BLTP1: variants seen among roughly 807,000 people sequenced by gnomAD.
The protein encoded by BLTP1 is fragile site-associated protein.
chr4:122,328,353 C>A, the BLTP1 span: 1 of 1,606,040 alleles, frequency 6.2e-7, no homozygotes, highest in South Asian at 1.1e-5. Context: ...TTACAGGAAA[C>A]CCTCGTGAGT....
the BLTP1 span, chr4:122,344,846 TAC>T: frequency 1.0e-6 from 1 of 984,900 alleles, no homozygotes; most frequent in Non-Finnish European, 1.2e-6. Context: ...CATGAATTGG[TAC>T]AGTTTCTTTT....
chr4:122,311,710 TA>T, the BLTP1 span, among the ~76,000 whole-genome samples: 1 of 152,144 alleles, frequency 6.6e-6, no homozygotes, highest in Non-Finnish European at 1.5e-5. Context: ...TTTAAGTAGA[TA>T]GTAAATATTA....
chr4:122,167,963 G>A, the BLTP1 span: 12 of 871,262 alleles, frequency 1.4e-5, no homozygotes, highest in East Asian at 1.3e-3. Flanking sequence ...TAAGGAATTG[G>A]TGATATACTA....
the BLTP1 span, chr4:122,302,286 A>AT: frequency 9.2e-5 from 90 of 976,438 alleles, no homozygotes; most frequent in Non-Finnish European, 1.1e-4. Context: ...CATTAGACAT[A>AT]TCCTATACAG....
chr4:122,207,194 A>T, the BLTP1 span: 1 of 1,612,190 alleles, frequency 6.2e-7, no homozygotes, highest in Non-Finnish European at 8.5e-7. Flanking sequence ...ATCATGTTTC[A>T]TCAGTTTGAA....
At chr4:122,296,334 A>G in the BLTP1 span, among the ~76,000 whole-genome samples, 4 of 152,246 alleles carry the variant, frequency 2.6e-5, no homozygotes, top group Non-Finnish European at 5.9e-5. Flanking sequence ...CAAAGAGAAT[A>G]AAATACCTAG....
At chr4:122,197,997 A>G in the BLTP1 span, 2 of 984,886 alleles carry the variant, frequency 2.0e-6, no homozygotes, top group Non-Finnish European at 2.4e-6. Context: ...ATTTAAAATC[A>G]ATCATCATTA....
chr4:122,269,734 C>G, the BLTP1 span: 1 of 961,266 alleles, frequency 1.0e-6, no homozygotes, highest in Non-Finnish European at 1.2e-6. Flanking sequence ...CTTTGTAAAG[C>G]CAGGGCAGTT....
chr4:122,186,590 T>C, the BLTP1 span, among the ~76,000 whole-genome samples: 1 of 152,086 alleles, frequency 6.6e-6, no homozygotes, highest in Non-Finnish European at 1.5e-5. Flanking sequence ...GTTTAGAATA[T>C]GTGCCTCATA....
At chr4:122,211,471 A>G in the BLTP1 span, among the ~76,000 whole-genome samples, 1 of 152,192 alleles carries the variant, frequency 6.6e-6, no homozygotes. Context: ...TCTGAGAATA[A>G]TTGGTAATGG....
chr4:122,292,394 A>G, the BLTP1 span: 1 of 831,816 alleles, frequency 1.2e-6, no homozygotes, highest in South Asian at 5.6e-5. Flanking sequence ...AGCTCTAGAC[A>G]TTTAGAGTAT....
chr4:122,157,746 A>T, the BLTP1 span, among the ~76,000 whole-genome samples: 7 of 152,182 alleles, frequency 4.6e-5, no homozygotes. Flanking sequence ...TAGCTGCTGG[A>T]TGGAGACCAA....
chr4:122,259,935 A>G, the BLTP1 span: 1 of 905,430 alleles, frequency 1.1e-6, no homozygotes, highest in Non-Finnish European at 1.3e-6. Flanking sequence ...TAAAATGATA[A>G]TTTTGACAAT....
At chr4:122,317,271 G>T in the BLTP1 span, among the ~76,000 whole-genome samples, 2 of 151,918 alleles carry the variant, frequency 1.3e-5, no homozygotes, top group South Asian at 4.1e-4. Context: ...GGAGGAGGTT[G>T]CAGTGAGCCA....
the BLTP1 span, chr4:122,173,192 A>G: frequency 6.3e-7 from 1 of 1,591,776 alleles, no homozygotes; most frequent in South Asian, 1.1e-5. Context: ...CTTCCTTATA[A>G]TCTTGAGATG....
chr4:122,214,374 CAT>C, the BLTP1 span: 1 of 944,264 alleles, frequency 1.1e-6, no homozygotes, highest in African/African-American at 1.8e-5. Flanking sequence ...CAAAAGAACA[CAT>C]TTTCTCGGTT....
At chr4:122,225,621 G>A in the BLTP1 span, 1 of 152,044 alleles carries the variant, frequency 6.6e-6, no homozygotes, top group Non-Finnish European at 1.5e-5. Flanking sequence ...TAGAAATGGT[G>A]AGAAAATGAA....
chr4:122,204,812 TA>T, the BLTP1 span: 1 of 822,042 alleles, frequency 1.2e-6, no homozygotes, highest in Non-Finnish European at 1.5e-6. Flanking sequence ...TCAGCCTAGT[TA>T]GGTAGGAGTA....
chr4:122,189,017 A>G, the BLTP1 span: 1 of 985,126 alleles, frequency 1.0e-6, no homozygotes, highest in African/African-American at 1.7e-5. Flanking sequence ...TTGGTTAAGA[A>G]TCTTCTGGAA....
Sources: gnomAD v4.1 joint callset for allele counts (sites outside exome capture counted in the v4.1 genomes callset) on GRCh38, gnomAD v4.1.1 for gene constraint, MANE v1.5 for transcripts, NCBI Gene and HGNC (gene_info 2026-07-23, HGNC 2026-07-21) for gene names.